The following SERPINI1 variants were observed in gnomAD, a reference collection of about 807,000 sequenced individuals.
The protein encoded by SERPINI1 is neuroserpin.
In SERPINI1, 19 loss-of-function variants were observed where a neutral mutation model predicts 41.1. The ratio of observed to expected loss-of-function variants is 0.46; its 90% CI spans 0.32 to 0.68. The LOEUF (loss-of-function observed/expected upper bound fraction) is 0.68, where lower values mean the gene tolerates loss of function less well. SERPINI1 is among the 30% of genes least tolerant of loss of function. The probability of loss-of-function intolerance (pLI) is 0.03; values close to 1 mark genes in which losing one functional copy is unlikely to be tolerated. For missense variants in SERPINI1, 460 were observed against 479.2 expected, an observed-to-expected ratio of 0.96 and a Z score of 0.37; for synonymous variants, 138 against 156.6, an observed-to-expected ratio of 0.88 and a Z score of 0.89.
intron 1 of SERPINI1, among the ~76,000 whole-genome samples, chr3:167,772,889 T>TATATATATATAC (rs1470005015): frequency 2.6e-5 from 2 of 77,134 alleles, no homozygotes; most frequent in East Asian, 3.7e-4. Context: ...TATATATATA[T>TATATATATATAC]ATATACACAC....
chr3:167,803,814 A>G (rs1306123782), intron 5 of SERPINI1, among the ~76,000 whole-genome samples: 2 of 152,296 alleles, frequency 1.3e-5, no homozygotes, highest in African/African-American at 2.4e-5. Flanking sequence ...TATGCTACTT[A>G]TTAACTGTAT....
At chr3:167,806,361 A>C (rs1192818740) in intron 5 of SERPINI1, among the ~76,000 whole-genome samples, 2 of 152,144 alleles carry the variant, frequency 1.3e-5, no homozygotes, top group African/African-American at 4.8e-5. Flanking sequence ...GCATTAGGAC[A>C]AATACCTAAA....
rs183251193 is a variant in SERPINI1, at chr3:167,766,495, G to C, written c.-18-22616G>C. ...CTCTCCCACAACACGTGGGAATTAC[G>C]GGTGCTACAACTTGAGATTTGGGTG... On this transcript the variant is annotated intron_variant, in intron 1 of 8. Coordinates refer to ENST00000446050, the MANE Select transcript of SERPINI1 (RefSeq NM_001122752.2). 3.9e-5 allele frequency among the ~76,000 whole-genome samples: 6 copies of C among 152,296 alleles called. No individual in the cohort carries two copies. In the East Asian group the frequency reaches 1.2e-3, roughly 29 times the overall value.
rs1338722582 is a variant in SERPINI1 at position 167,792,711 on chromosome 3, C to A, written c.603C>A (p.Thr201=). ...KSQFRPENTR[T]FSFTKDDESE... is the part of the protein sequence containing the mutation. Reference sequence around the variant, plus strand: ...AGTTTAGGCCTGAAAATACTAGAACCTTTTCTTTCACTAAAGATGATGAAA... The same window carrying A: ...AGTTTAGGCCTGAAAATACTAGAACATTTTCTTTCACTAAAGATGATGAAA... Residue 201 remains threonine, a synonymous_variant, in exon 4 of 9, where the codon ACC becomes ACA. Transcript: ENST00000446050. 1 of 1,613,810 alleles carries A rather than the reference C, an allele frequency of 6.2e-7. No individual in the cohort carries two copies.
At chr3:167,771,425 A>G (rs1215836748) in intron 1 of SERPINI1, among the ~76,000 whole-genome samples, 1 of 152,212 alleles carries the variant, frequency 6.6e-6, no homozygotes, top group African/African-American at 2.4e-5. Context: ...ATACGAATGT[A>G]TATTATGTTG....
At position 167,812,583 on chromosome 3, in the gene SERPINI1, A is replaced by G. The variant is rs550357640; in HGVS notation, c.979+5242A>G. Among the ~76,000 whole-genome samples the G allele has an allele frequency of 2.6e-5, 4 of 152,130 alleles. No individual in the cohort carries two copies. The South Asian group carries it at 8.3e-4, about 32-fold the overall frequency. ...TATCTTTTTATCTCATATTATTGTT[A>G]TTTATGTGTCTAATATTCCCTGCCA... On this transcript the variant is annotated intron_variant, in intron 6 of 8. Coordinates refer to ENST00000446050, the MANE Select transcript of SERPINI1 (RefSeq NM_001122752.2).
intron 1 of SERPINI1, among the ~76,000 whole-genome samples, chr3:167,759,994 G>A (rs532167022): frequency 2.0e-5 from 3 of 152,090 alleles, no homozygotes; most frequent in Admixed American, 6.6e-5. Flanking sequence ...TATATGCCAC[G>A]TGTCCTTAGT....
At chr3:167,815,726 A>G (rs1269003454) in intron 6 of SERPINI1, among the ~76,000 whole-genome samples, 3 of 151,990 alleles carry the variant, frequency 2.0e-5, no homozygotes, top group African/African-American at 7.2e-5. Context: ...TATGTATCCA[A>G]TGGGATGGTG....
At chr3:167,750,134 G>A (rs1043504220) in intron 1 of SERPINI1, among the ~76,000 whole-genome samples, 4 of 152,176 alleles carry the variant, frequency 2.6e-5, no homozygotes, top group Non-Finnish European at 5.9e-5. Flanking sequence ...TAAATTCACA[G>A]CTATTGATAA....
At chr3:167,803,432 G>T (rs1049277039) in intron 5 of SERPINI1, among the ~76,000 whole-genome samples, 1 of 151,972 alleles carries the variant, frequency 6.6e-6, no homozygotes, top group Non-Finnish European at 1.5e-5. Context: ...CTATAATAAT[G>T]TGACATGTTA....
At chr3:167,810,035 A>G (rs1711812315) in intron 6 of SERPINI1, among the ~76,000 whole-genome samples, 1 of 152,106 alleles carries the variant, frequency 6.6e-6, no homozygotes. Context: ...CCTAACCAAT[A>G]TATCCTTACA....
intron 5 of SERPINI1, among the ~76,000 whole-genome samples, chr3:167,797,781 T>C (rs1157436000): frequency 6.6e-6 from 1 of 151,346 alleles, no homozygotes; most frequent in Admixed American, 6.6e-5. Flanking sequence ...ATATACTAAA[T>C]ATATAAACAA....
At chr3:167,787,540 C>T (rs564089908) in intron 1 of SERPINI1, among the ~76,000 whole-genome samples, 2 of 152,314 alleles carry the variant, frequency 1.3e-5, no homozygotes, top group South Asian at 4.1e-4. Context: ...AATCAGTAGA[C>T]TGGCAGGGCT....
chr3:167,747,119 G>A (rs77232317), intron 1 of SERPINI1, among the ~76,000 whole-genome samples: 37,866 of 152,126 alleles, frequency 0.25, 4,854 homozygotes, highest in African/African-American at 0.29. Flanking sequence ...TGATACTACA[G>A]CATGGATGGC....
chr3:167,784,007 C>T (rs1007836124), intron 1 of SERPINI1, among the ~76,000 whole-genome samples: 11 of 152,198 alleles, frequency 7.2e-5, no homozygotes, highest in African/African-American at 2.7e-4. Context: ...GGCAGAGGCC[C>T]TCTCCCACAA....
chr3:167,767,538 A>G (rs1046694378), intron 1 of SERPINI1, among the ~76,000 whole-genome samples: 1 of 152,218 alleles, frequency 6.6e-6, no homozygotes, highest in Non-Finnish European at 1.5e-5. Flanking sequence ...AGAGCCATAG[A>G]TAGTGATTCC....
At chr3:167,737,433 C>A (rs1438125102) in intron 1 of SERPINI1, among the ~76,000 whole-genome samples, 1 of 152,122 alleles carries the variant, frequency 6.6e-6, no homozygotes, top group East Asian at 1.9e-4. Context: ...ACTGGAGAAT[C>A]TATTAATTCA....
intron 1 of SERPINI1, among the ~76,000 whole-genome samples, chr3:167,775,142 G>A (rs746120372): frequency 7.5e-6 from 1 of 134,096 alleles, no homozygotes; most frequent in East Asian, 2.0e-4. Context: ...AAAAGTCTGT[G>A]TGAATTTTAA....
intron 5 of SERPINI1, among the ~76,000 whole-genome samples, chr3:167,806,279 A>C (rs922158059): frequency 6.6e-6 from 1 of 151,944 alleles, no homozygotes; most frequent in Non-Finnish European, 1.5e-5. Context: ...CAATGAGAAC[A>C]TGTAGACTTA....
Sources: allele counts gnomAD v4.1 joint callset (sites outside exome capture counted in the v4.1 genomes callset), GRCh38; gene constraint gnomAD v4.1.1; transcripts MANE v1.5; gene names NCBI Gene and HGNC (gene_info 2026-07-23, HGNC 2026-07-21).